Variants in ELAVL1 observed in about 807,000 individuals in gnomAD.
ELAVL1 encodes ELAV like RNA binding protein 1, also known as ELAV-like protein 1.
Under a neutral mutation model 28.4 loss-of-function variants are expected in ELAVL1, and 1 was observed. That is an observed-to-expected ratio of 0.04 (90% confidence interval 0.01 to 0.17). ELAVL1 has a LOEUF of 0.17. ELAVL1 is among the 10% of genes least tolerant of loss of function. ELAVL1 has a pLI of 1.00. For synonymous variants in ELAVL1, 174 were observed against 183.5 expected (o/e 0.95, Z 0.42); for missense variants, 157 against 447.2 (o/e 0.35, Z 5.85).
At chr19:7,983,920 C>T (rs964790778) in intron 2 of ELAVL1, among the ~76,000 whole-genome samples, 4 of 152,072 alleles carry the variant, frequency 2.6e-5, no homozygotes, top group Non-Finnish European at 4.4e-5. Flanking sequence ...GTAGGGCCTA[C>T]CCTCTTGGGA....
At position 7,959,104 on chromosome 19, in the gene ELAVL1, G is replaced by C. The variant is rs188045007; in HGVS notation, c.*4379C>G. ...AATGGGCTGATGGAAAACTGATAAG[G>C]GCTTTTCTTTTTTTTTTTCTGAAAA... On this transcript the variant is annotated 3_prime_UTR_variant, in exon 6 of 6. Transcript: ENST00000407627. 2.0e-5 allele frequency: 3 copies of C among 152,066 alleles called. No individual in the cohort carries two copies. Among genetic ancestry groups the C allele is most frequent in the Admixed American group, 6.6e-5 (1 of 15,168 alleles). 9.4% of individuals were successfully genotyped at this position (152,066 alleles called of 1,614,324 possible). A position where few individuals can be genotyped will look rare whatever the true frequency, so the allele number is the denominator to read the frequency against.
intron 2 of ELAVL1, among the ~76,000 whole-genome samples, chr19:7,985,199 C>T (rs539332057): frequency 2.6e-5 from 4 of 152,368 alleles, no homozygotes; most frequent in South Asian, 2.1e-4. Flanking sequence ...GGATTATAGG[C>T]GTGCGCCACC....
intron 3 of ELAVL1, among the ~76,000 whole-genome samples, chr19:7,976,488 G>C (rs2056774156): frequency 6.6e-6 from 1 of 152,178 alleles, no homozygotes. Context: ...ACAGGGAGAA[G>C]TCTGTGTGAA....
chr19:7,986,004 C>T (rs1985591666), intron 2 of ELAVL1, among the ~76,000 whole-genome samples: 1 of 152,238 alleles, frequency 6.6e-6, no homozygotes, highest in Non-Finnish European at 1.5e-5. Flanking sequence ...ACTGGGCACC[C>T]ATACACCGCC....
intron 3 of ELAVL1, among the ~76,000 whole-genome samples, chr19:7,980,077 T>C (rs1404917463): frequency 2.0e-5 from 3 of 152,156 alleles, no homozygotes; most frequent in African/African-American, 7.2e-5. Context: ...CACCTTTCTC[T>C]GGGGCAGGGG....
intron 1 of ELAVL1, among the ~76,000 whole-genome samples, chr19:7,997,508 G>C (rs780000216): frequency 1.3e-4 from 20 of 152,138 alleles, no homozygotes; most frequent in Non-Finnish European, 2.4e-4. Context: ...GATTACACAG[G>C]GACAGGAGGA....
chr19:7,999,276 GAC>G (rs1198187258), intron 1 of ELAVL1, among the ~76,000 whole-genome samples: 1 of 152,208 alleles, frequency 6.6e-6, no homozygotes, highest in Non-Finnish European at 1.5e-5. Flanking sequence ...AGGAGGCTGA[GAC>G]AGCAGACTCA....
chr19:7,991,946 T>G (rs76511194), intron 1 of ELAVL1, 115 bp from the exon 2 acceptor site: 1 of 967,044 alleles, frequency 1.0e-6, no homozygotes, highest in Middle Eastern at 3.3e-4. Flanking sequence ...TTTTTTTTTT[T>G]TGTTTTGTTT....
Position 7,982,174 on chromosome 19 carries a change from G to A in ELAVL1, c.173-988C>T, listed in dbSNP as rs991257764. On this transcript the variant is annotated intron_variant, in intron 2 of 5. Coordinates refer to ENST00000407627, the MANE Select transcript of ELAVL1 (RefSeq NM_001419.3). The surrounding 1 kb of genome is among the most constrained non-coding windows in gnomAD (Gnocchi z 4.3). ...GGCAGGACCAGAGGGGACAGCCTCT[G>A]GGGTCAGGGTTCAGAAGGAGCTTCA... 1.3e-5 allele frequency among the ~76,000 whole-genome samples: 2 copies of A among 152,226 alleles called. No homozygotes were observed. The highest frequency in any genetic ancestry group is 3.8e-4 in the East Asian group (2 of 5,202).
intron 3 of ELAVL1, among the ~76,000 whole-genome samples, chr19:7,977,822 C>G (rs895285561): frequency 6.6e-6 from 1 of 152,260 alleles, no homozygotes; most frequent in African/African-American, 2.4e-5. Context: ...GCCCTGCCTG[C>G]AAGGGAGGAG....
rs748806190 is a variant in ELAVL1, at chr19:7,982,068, A to G, written c.173-882T>C. Among the ~76,000 whole-genome samples the G allele has an allele frequency of 5.9e-5, 9 of 151,762 alleles. No individual in the cohort carries two copies. Among genetic ancestry groups the G allele is most frequent in the Non-Finnish European group, 1.3e-4 (9 of 67,946 alleles). ...CAGGTTCACAGGCAGATGTCCCTGT[A>G]CCCCCTTTGTGAAACACTCAGCACA... On this transcript the variant is annotated intron_variant, in intron 2 of 5. Coordinates refer to ENST00000407627, the MANE Select transcript of ELAVL1 (RefSeq NM_001419.3). The surrounding 1 kb of genome is among the most constrained non-coding windows in gnomAD (Gnocchi z 4.3).
chr19:7,994,289 G>A, intron 1 of ELAVL1, among the ~76,000 whole-genome samples: 1 of 151,894 alleles, frequency 6.6e-6, no homozygotes, highest in Non-Finnish European at 1.5e-5. Context: ...CTTGGTCAGG[G>A]CCAGGGGTCG....
chr19:7,978,640 T>G (rs1985369462), intron 3 of ELAVL1, among the ~76,000 whole-genome samples: 2 of 152,106 alleles, frequency 1.3e-5, no homozygotes, highest in Admixed American at 6.5e-5. Flanking sequence ...AAACAAACTG[T>G]CATCAGAAGT....
intron 2 of ELAVL1, among the ~76,000 whole-genome samples, chr19:7,983,291 T>C (rs1392113285): frequency 1.3e-5 from 2 of 152,032 alleles, no homozygotes; most frequent in Non-Finnish European, 2.9e-5. Flanking sequence ...CGAATTGGGA[T>C]CGCAGCTTGG....
chr19:8,001,458 G>A (rs1171016808), intron 1 of ELAVL1, among the ~76,000 whole-genome samples: 1 of 152,002 alleles, frequency 6.6e-6, no homozygotes, highest in African/African-American at 2.4e-5. Context: ...TCCTAAGTGG[G>A]ATTGCAAACT....
At chr19:7,998,029 T>A (rs994729671) in intron 1 of ELAVL1, among the ~76,000 whole-genome samples, 21 of 152,222 alleles carry the variant, frequency 1.4e-4, no homozygotes, top group African/African-American at 5.1e-4. Flanking sequence ...GCCCTGTTCC[T>A]CCTGACACTC....
intron 4 of ELAVL1, among the ~76,000 whole-genome samples, chr19:7,971,611 T>A (rs765274172): frequency 1.3e-5 from 2 of 152,170 alleles, no homozygotes; most frequent in Non-Finnish European, 2.9e-5. Context: ...GTAACTGGCA[T>A]CCCCCGACCC....
intron 4 of ELAVL1, chr19:7,973,165 T>G (rs1985168494): frequency 6.5e-6 from 1 of 152,848 alleles, no homozygotes; most frequent in South Asian, 2.1e-4. Context: ...TTTGGGTGCC[T>G]GAGGGAAGGT....
At chr19:7,964,396 C>G (rs969200708) in intron 5 of ELAVL1, among the ~76,000 whole-genome samples, 6 of 152,090 alleles carry the variant, frequency 3.9e-5, no homozygotes, top group African/African-American at 1.4e-4. Context: ...GCTCAACATC[C>G]CCTGAGGGTC....
Sources: gnomAD v4.1 joint callset for allele counts (sites outside exome capture counted in the v4.1 genomes callset) on GRCh38, gnomAD v4.1.1 for gene constraint, Gnocchi (gnomAD v3.1) non-coding constraint, MANE v1.5 for transcripts, NCBI Gene and HGNC (gene_info 2026-07-23, HGNC 2026-07-21) for gene names.